USP10: variants seen among roughly 807,000 people sequenced by gnomAD.
USP10 encodes the protein ubiquitin carboxyl-terminal hydrolase 10.
A neutral mutation model predicts 84.5 loss-of-function variants in USP10; 22 were observed. The ratio of observed to expected loss-of-function variants is 0.26; its 90% CI spans 0.19 to 0.37. USP10 has a LOEUF of 0.37. USP10 is among the 10% of genes least tolerant of loss of function. USP10 has a pLI of 1.00. For synonymous variants in USP10, 454 were observed against 387.6 expected (o/e 1.17, Z -2.01); for missense variants, 1,019 against 998.9 (o/e 1.02, Z -0.27).
Position 84,775,171 on chromosome 16 carries a change from C to T in USP10, c.2155C>T (p.Pro719Ser). The part of the protein sequence containing the change: ...DLEISKELLS[P>S]GVKNKNFKCH... ...ATTTTGTTTTCCAGAACTGCTTTCT[C>T]CAGGGGTTAAAAATAAGAATTTTAA... Residue 719 changes from proline (P) to serine (S), a missense_variant, in exon 13 of 14, where the codon CCA becomes TCA. Around this residue, in one of 2 missense-constraint regions of USP10, gnomAD observed 232 missense variants for 290.1 expected, o/e 0.80. Coordinates refer to ENST00000219473, the MANE Select transcript of USP10 (RefSeq NM_005153.3). 1.2e-6 allele frequency: 2 copies of T among 1,613,790 alleles called. No homozygotes were observed. The highest frequency in any genetic ancestry group is 1.7e-6 in the Non-Finnish European group (2 of 1,179,732).
chr16:84,774,165 G>A (rs367732559), intron 12 of USP10, among the ~76,000 whole-genome samples: 2 of 151,916 alleles, frequency 1.3e-5, no homozygotes, highest in East Asian at 1.9e-4. Context: ...CAGGAGAATC[G>A]CTTGAACCTG....
chr16:84,725,757 A>G (rs1908385527), intron 1 of USP10, among the ~76,000 whole-genome samples: 1 of 152,124 alleles, frequency 6.6e-6, no homozygotes, highest in African/African-American at 2.4e-5. Flanking sequence ...GATCCAAGAG[A>G]TCCTTTTGGA....
intron 4 of USP10, among the ~76,000 whole-genome samples, chr16:84,754,367 G>T (rs1280103148): frequency 1.3e-5 from 2 of 152,064 alleles, no homozygotes; most frequent in African/African-American, 4.8e-5. Context: ...TATTTTCCAA[G>T]TCTGAAAAGG....
At chr16:84,754,530 G>C (rs922062305) in intron 4 of USP10, among the ~76,000 whole-genome samples, 2 of 152,168 alleles carry the variant, frequency 1.3e-5, no homozygotes, top group African/African-American at 4.8e-5. Context: ...GTTCGCTTTT[G>C]TAGGTTCCTT....
intron 1 of USP10, among the ~76,000 whole-genome samples, chr16:84,703,450 T>G (rs928111088): frequency 6.6e-6 from 1 of 152,172 alleles, no homozygotes; most frequent in African/African-American, 2.4e-5. Flanking sequence ...TCCTCCACAT[T>G]TTACATGATG....
At chr16:84,773,410 C>G (rs557286712) in intron 12 of USP10, among the ~76,000 whole-genome samples, 2 of 152,298 alleles carry the variant, frequency 1.3e-5, no homozygotes, top group Non-Finnish European at 2.9e-5. Context: ...CGAGAGTCCT[C>G]TTCTCTCCGT....
chr16:84,760,084 G>T, intron 7 of USP10, 88 bp from the exon 8 acceptor site: 1 of 1,502,502 alleles, frequency 6.7e-7, no homozygotes, highest in Non-Finnish European at 9.2e-7. Context: ...AGCCAGGTGG[G>T]AGGTGGGGGA....
chr16:84,774,236 C>T (rs1048908659), intron 12 of USP10, among the ~76,000 whole-genome samples: 1 of 151,812 alleles, frequency 6.6e-6, no homozygotes, highest in Non-Finnish European at 1.5e-5. Context: ...GAGCAAGACT[C>T]CATCTCAAAA....
rs1913384244 is a variant in USP10, at chr16:84,762,984, T to C, written c.1555-5T>C. The C allele has an allele frequency of 6.2e-7, 1 of 1,602,292 alleles. No homozygotes were observed. The highest frequency in any genetic ancestry group is 1.3e-5 in the African/African-American group (1 of 74,794). On this transcript the variant is annotated splice_polypyrimidine_tract_variant and splice_region_variant and intron_variant, in intron 8 of 13. Coordinates refer to ENST00000219473, the MANE Select transcript of USP10 (RefSeq NM_005153.3). ...CAGTAACGTGATTATATTTGACCTT[T>C]TCAGGGTCGACAAGAAGATGCTGAG... is the stretch of plus-strand genomic sequence containing the variant.
At chr16:84,735,827 C>T (rs988658217) in intron 2 of USP10, among the ~76,000 whole-genome samples, 1 of 152,180 alleles carries the variant, frequency 6.6e-6, no homozygotes, top group African/African-American at 2.4e-5. Flanking sequence ...TTATCAAAAT[C>T]ACAGTAACCT....
chr16:84,740,431 G>A, intron 3 of USP10, 62 bp downstream of exon 3: 1 of 1,347,782 alleles, frequency 7.4e-7, no homozygotes, highest in Non-Finnish European at 1.0e-6. Flanking sequence ...GGGTGGGCAG[G>A]CTACCTGTAA....
intron 3 of USP10, among the ~76,000 whole-genome samples, chr16:84,744,412 A>G (rs1910972037): frequency 6.6e-6 from 1 of 152,206 alleles, no homozygotes; most frequent in Admixed American, 6.5e-5. Flanking sequence ...CCTTAGCTAG[A>G]AAGATAAGTA....
chr16:84,771,850 AGAGT>A (rs1337834995), intron 11 of USP10, among the ~76,000 whole-genome samples: 3 of 152,190 alleles, frequency 2.0e-5, no homozygotes, highest in Non-Finnish European at 4.4e-5. Flanking sequence ...CCTGGGCGAC[AGAGT>A]GAGAACTCCC....
At position 84,778,972 on chromosome 16, in the gene USP10, C is replaced by G; in HGVS notation, c.2287C>G (p.Leu763Val). The stretch of plus-strand genomic sequence containing the variant: ...CTTCCAGATCGGTCTGAATGGCTGG[C>G]TGCGCATCGATGACCAGACAGTCAA... The part of the protein sequence containing the change: ...DVFQIGLNGW[L>V]RIDDQTVKVI... Residue 763 changes from leucine to valine, a missense_variant, in exon 14 of 14, where the codon CTG becomes GTG. Physicochemically the swap from Leu to Val is conservative, Grantham distance 32. Transcript: ENST00000219473. 3 of 1,614,016 alleles carry G rather than the reference C, an allele frequency of 1.9e-6. No individual in the cohort carries two copies. Among genetic ancestry groups the G allele is most frequent in the Non-Finnish European group, 2.5e-6 (3 of 1,179,894 alleles).
chr16:84,755,481 C>G (rs73245632), intron 4 of USP10, among the ~76,000 whole-genome samples: 4 of 152,030 alleles, frequency 2.6e-5, no homozygotes, highest in Non-Finnish European at 5.9e-5. Flanking sequence ...CCCCTGCGTG[C>G]TTCTCACTTC....
intron 12 of USP10, among the ~76,000 whole-genome samples, chr16:84,773,581 C>G (rs1170045353): frequency 6.6e-6 from 1 of 152,220 alleles, no homozygotes; most frequent in Non-Finnish European, 1.5e-5. Context: ...CACACAAGAG[C>G]TGTGCTTTCT....
Position 84,759,278 on chromosome 16 carries a change from A to G in USP10, c.1285-85A>G, listed in dbSNP as rs1369484774. 4 of 1,300,656 alleles carry G rather than the reference A, an allele frequency of 3.1e-6. No individual in the cohort carries two copies. The Admixed American group carries it at 7.3e-5, about 24-fold the overall frequency. 80.6% of individuals were successfully genotyped at this position (1,300,656 alleles called of 1,614,324 possible). On this transcript the variant is annotated intron_variant, in intron 5 of 13. Transcript: ENST00000219473. ...ACGTCCTTAGCTTCCTTGTGTTTTT[A>G]TAAACATTCTTGTGCTTCATGTGCC...
intron 1 of USP10, among the ~76,000 whole-genome samples, chr16:84,729,521 C>T (rs1040592544): frequency 6.6e-6 from 1 of 152,148 alleles, no homozygotes; most frequent in Non-Finnish European, 1.5e-5. Context: ...AGTTTATCTG[C>T]CATGAGCATA....
At position 84,725,453 on chromosome 16, in the gene USP10, G is replaced by A. The variant is rs9931093; in HGVS notation, c.22-7982G>A. On this transcript the variant is annotated intron_variant, in intron 1 of 13. Coordinates refer to ENST00000219473, the MANE Select transcript of USP10 (RefSeq NM_005153.3). ...TTGCTCTTGTTACCCGGGCTGGAGT[G>A]CAAATGGCACGATTTCCGCTCACTG... 1.1e-3 allele frequency among the ~76,000 whole-genome samples: 164 copies of A among 152,168 alleles called. 1 individual carries two copies. Among genetic ancestry groups the A allele is most frequent in the African/African-American group, 3.8e-3 (156 of 41,544 alleles).
Sources: allele counts gnomAD v4.1 joint callset (sites outside exome capture counted in the v4.1 genomes callset), GRCh38; gene constraint gnomAD v4.1.1; regional missense constraint gnomAD v4.1.1; transcripts MANE v1.5; gene names NCBI Gene and HGNC (gene_info 2026-07-23, HGNC 2026-07-21).